Variants in LCOR observed in about 807,000 individuals in gnomAD.
LCOR encodes the protein ligand-dependent corepressor.
In LCOR, 14 loss-of-function variants were observed where a neutral mutation model predicts 64.4. The observed-to-expected ratio is 0.22, with a 90% confidence interval of 0.14 to 0.34. The LOEUF (loss-of-function observed/expected upper bound fraction) is 0.34. LCOR is among the 10% of genes least tolerant of loss of function. LCOR has a pLI of 1.00. For synonymous variants in LCOR, 643 were observed against 642.5 expected (o/e 1.00, Z -0.01); for missense variants, 1,686 against 1,765.3 (o/e 0.96, Z 0.80).
chr10:96,928,232 C>T (rs535045370), intron 4 of LCOR, among the ~76,000 whole-genome samples: 2 of 152,182 alleles, frequency 1.3e-5, no homozygotes, highest in African/African-American at 4.8e-5. Context: ...AGTAGAACTT[C>T]TTTCAAAATT....
In LCOR at chr10:96,983,854, G is replaced by C. The variant is rs1848119238; in HGVS notation, c.3394G>C (p.Gly1132Arg). 1.2e-6 allele frequency: 2 copies of C among 1,614,050 alleles called. No individual in the cohort carries two copies. The highest frequency in any genetic ancestry group is 1.3e-5 in the African/African-American group (1 of 74,984). Residue 1132 changes from glycine to arginine, a missense_variant, in exon 8 of 8, where the codon GGA becomes CGA. By Grantham distance (125) the Gly-to-Arg change is moderately radical (BLOSUM62 -2). Around this residue, in one of 3 missense-constraint regions of LCOR, gnomAD observed 1,293 missense variants for 1,410.4 expected, o/e 0.92. Coordinates refer to ENST00000421806, the MANE Select transcript of LCOR (RefSeq NM_001346516.2). The surrounding 1 kb of genome is among the most constrained non-coding windows in gnomAD (Gnocchi z 4.5). Reference sequence around the variant, plus strand: ...GGGCTGGATCCAGTTGGAGAAAGAAGGACAGCCAACACCAAGAGCAAGGAA... The same window carrying C: ...GGGCTGGATCCAGTTGGAGAAAGAACGACAGCCAACACCAAGAGCAAGGAA... ...QKGWIQLEKE[G>R]QPTPRARNKS...
chr10:96,835,725 TA>T (rs1436369796), intron 2 of LCOR, among the ~76,000 whole-genome samples: 1 of 152,248 alleles, frequency 6.6e-6, no homozygotes, highest in African/African-American at 2.4e-5. Context: ...CAGTTTGGAT[TA>T]AAAATTAATT....
intron 2 of LCOR, among the ~76,000 whole-genome samples, chr10:96,867,940 A>G (rs1254636546): frequency 6.6e-6 from 1 of 151,948 alleles, no homozygotes; most frequent in Non-Finnish European, 1.5e-5. Flanking sequence ...GCTAGAGTAC[A>G]ATGGCATGAT....
chr10:96,952,039 C>A, intron 6 of LCOR, 64 bp from the exon 7 acceptor site: 1 of 1,137,454 alleles, frequency 8.8e-7, no homozygotes, highest in African/African-American at 1.5e-5. Context: ...TCATTTTTAG[C>A]CTATTTAGTT....
chr10:96,983,296 T>C lies in LCOR; in HGVS notation c.2836T>C (p.Leu946=), dbSNP rs765367708. 3.1e-6 allele frequency: 5 copies of C among 1,614,078 alleles called. No homozygotes were observed. Among genetic ancestry groups the C allele is most frequent in the Non-Finnish European group, 3.4e-6 (4 of 1,180,012 alleles). Residue 946 remains leucine (L), a synonymous_variant, in exon 8 of 8, where the codon TTG becomes CTG. Transcript: ENST00000421806. This position sits in a 1 kb window ranked among gnomAD's most constrained non-coding sequence, Gnocchi z 4.5. ...TGGACAGCCACTGCCTGGAGAGAGA[T>C]TGGAAATCTATGTTCAGTCTAAAAT... The part of the protein sequence containing the change: ...TAGQPLPGER[L]EIYVQSKMDE...
intron 7 of LCOR, 89 bp downstream of exon 7, chr10:96,952,285 T>C: frequency 1.2e-6 from 1 of 840,566 alleles, no homozygotes; most frequent in Non-Finnish European, 1.9e-6. Flanking sequence ...TTTTAAAAAA[T>C]AACCCTTCTA....
intron 4 of LCOR, among the ~76,000 whole-genome samples, chr10:96,917,717 A>G (rs182737466): frequency 1.4e-4 from 21 of 152,318 alleles, no homozygotes; most frequent in Non-Finnish European, 2.1e-4. Flanking sequence ...ACTGTTCTAG[A>G]GTCATGGCTG....
rs1554836479 is a variant in LCOR at position 96,912,607 on chromosome 10, T to TCTTCCCTCCTTCCTTCCTTC, written c.-184+4865_-184+4866insCTCCTTCCTTCCTTCCTTCC. 1.1e-4 allele frequency among the ~76,000 whole-genome samples: 16 copies of TCTTCCCTCCTTCCTTCCTTC among 140,394 alleles called. No homozygotes were observed. In the East Asian group the frequency reaches 3.2e-3, roughly 28 times the overall value. The allele number at this position is 140,394 out of a possible 152,430, so 92.1% of individuals were successfully genotyped here. On this transcript the variant is annotated intron_variant, in intron 4 of 7. Transcript: ENST00000421806. ...TCTGTAAGATCTTCCTTTCTTCCTT[T>TCTTCCCTCCTTCCTTCCTTC]CTTCCTTCCTTCCTTCCTTCCTTCC...
At chr10:96,867,301 C>G (rs143875893) in intron 2 of LCOR, among the ~76,000 whole-genome samples, 2 of 152,292 alleles carry the variant, frequency 1.3e-5, no homozygotes, top group East Asian at 3.9e-4. Flanking sequence ...ACAGTCTTTT[C>G]TGTTTTAAAT....
intron 7 of LCOR, among the ~76,000 whole-genome samples, chr10:96,965,118 C>T (rs184545939): frequency 7.8e-4 from 119 of 151,848 alleles, no homozygotes; most frequent in Non-Finnish European, 1.4e-3. Flanking sequence ...ACACCATTCT[C>T]CTGCCTCAAC....
intron 2 of LCOR, among the ~76,000 whole-genome samples, chr10:96,873,059 A>G (rs1303402393): frequency 1.4e-5 from 2 of 147,358 alleles, no homozygotes; most frequent in African/African-American, 5.3e-5. Flanking sequence ...CAAAGGGCTA[A>G]AAGGGATGAG....
chr10:96,975,468 T>A (rs1048536530), intron 7 of LCOR, among the ~76,000 whole-genome samples: 1 of 151,808 alleles, frequency 6.6e-6, no homozygotes, highest in Non-Finnish European at 1.5e-5. Context: ...ACAGAGCTCT[T>A]CAGAAACATA....
At chr10:96,857,043 T>TAAGATATTACTA (rs1845817192) in intron 2 of LCOR, among the ~76,000 whole-genome samples, 1 of 152,022 alleles carries the variant, frequency 6.6e-6, no homozygotes, top group Non-Finnish European at 1.5e-5. Context: ...TAGTGAATTC[T>TAAGATATTACTA]TCAGTCACCT....
intron 2 of LCOR, among the ~76,000 whole-genome samples, chr10:96,888,209 A>G (rs1846376792): frequency 1.3e-5 from 2 of 151,152 alleles, no homozygotes; most frequent in Non-Finnish European, 3.0e-5. Context: ...TACTAAAAAT[A>G]CAAAAATTCG....
intron 4 of LCOR, among the ~76,000 whole-genome samples, chr10:96,914,466 G>A (rs1443658693): frequency 1.3e-5 from 2 of 152,176 alleles, no homozygotes; most frequent in Admixed American, 1.3e-4. Flanking sequence ...CAAAGTGCTG[G>A]GATTACAGGC....
At chr10:96,962,793 AG>A (rs2134546295) in intron 7 of LCOR, 1 of 152,252 alleles carries the variant, frequency 6.6e-6, no homozygotes, top group South Asian at 2.1e-4. Context: ...ATACATTTGG[AG>A]TGTTTGCATA....
At chr10:96,865,965 G>T (rs577077610) in intron 2 of LCOR, among the ~76,000 whole-genome samples, 2 of 151,300 alleles carry the variant, frequency 1.3e-5, no homozygotes, top group African/African-American at 4.9e-5. Flanking sequence ...ATCTCTTACT[G>T]CCACAGTAAC....
At chr10:96,833,023 C>G (rs951887755) in intron 1 of LCOR, 4 of 985,472 alleles carry the variant, frequency 4.1e-6, no homozygotes, top group Non-Finnish European at 3.6e-6. Flanking sequence ...GTGCGCCTGA[C>G]CGAGCCAAGT....
intron 2 of LCOR, among the ~76,000 whole-genome samples, chr10:96,877,802 G>A (rs1302710072): frequency 4.0e-5 from 6 of 151,610 alleles, no homozygotes; most frequent in Non-Finnish European, 7.4e-5. Flanking sequence ...TAGTAGAGAC[G>A]GGGTTTCACC....
Sources: allele counts gnomAD v4.1 joint callset (sites outside exome capture counted in the v4.1 genomes callset), GRCh38; gene constraint gnomAD v4.1.1; regional missense constraint gnomAD v4.1.1; non-coding constraint Gnocchi (gnomAD v3.1); transcripts MANE v1.5; gene names NCBI Gene and HGNC (gene_info 2026-07-23, HGNC 2026-07-21).